The following CFAP74 variants were observed in gnomAD, a reference collection of about 807,000 sequenced individuals.
The protein encoded by CFAP74 is cilia- and flagella-associated protein 74.
CFAP74 carries 124 observed loss-of-function variants against 188.9 expected under a neutral mutation model. That is an observed-to-expected ratio of 0.66 (90% CI 0.57 to 0.76). CFAP74 has a LOEUF of 0.76. Ranked by LOEUF, CFAP74 falls within the 30% of genes least tolerant of loss-of-function variation. CFAP74 has a pLI of 0.00. For missense variants in CFAP74, 2,198 were observed against 2,165.2 expected (o/e 1.02, Z -0.30); for synonymous variants, 956 against 916.7 (o/e 1.04, Z -0.77).
intron 15 of CFAP74, among the ~76,000 whole-genome samples, chr1:1,959,637 G>T (rs1289490870): frequency 6.6e-6 from 1 of 151,996 alleles, no homozygotes; most frequent in African/African-American, 2.4e-5. Flanking sequence ...TGCCCAGCTC[G>T]GGTGACCCCA....
At chr1:1,945,756 G>A (rs370049463) in intron 20 of CFAP74, among the ~76,000 whole-genome samples, 7 of 151,904 alleles carry the variant, frequency 4.6e-5, no homozygotes, top group Admixed American at 2.6e-4. Context: ...TGAGCCCAGG[G>A]GTTAGAGGCT....
chr1:1,930,696 C>G (rs1652303829), intron 25 of CFAP74, among the ~76,000 whole-genome samples: 1 of 152,214 alleles, frequency 6.6e-6, no homozygotes, highest in Non-Finnish European at 1.5e-5. Context: ...GCTGGGACTA[C>G]AGATGAGTGC....
intron 6 of CFAP74, 121 bp downstream of exon 6, chr1:1,985,265 T>C: frequency 1.3e-6 from 1 of 771,432 alleles, no homozygotes; most frequent in Non-Finnish European, 2.2e-6. Flanking sequence ...CCTTTCCACT[T>C]CCCCGCAGTT....
At chr1:1,943,020 A>C (rs1653492099) in intron 21 of CFAP74, among the ~76,000 whole-genome samples, 2 of 151,954 alleles carry the variant, frequency 1.3e-5, no homozygotes, top group African/African-American at 4.8e-5. Context: ...CTGCACCCCT[A>C]CTGCTGGGCC....
At chr1:1,927,088 C>A in intron 28 of CFAP74, 60 bp from the exon 29 acceptor site, 2 of 1,541,172 alleles carry the variant, frequency 1.3e-6, no homozygotes, top group Middle Eastern at 1.7e-4. Flanking sequence ...CGGCCCAGGC[C>A]GGACCCCTGC....
intron 10 of CFAP74, among the ~76,000 whole-genome samples, chr1:1,969,344 T>C (rs1371723263): frequency 2.8e-5 from 2 of 71,652 alleles, no homozygotes; most frequent in Non-Finnish European, 5.4e-5. Flanking sequence ...AGCCCTGCCC[T>C]GCCCAGCCCA....
rs750738491 is a variant in CFAP74 at position 1,975,626 on chromosome 1, C to T, written c.501-1428G>A. 2.6e-5 allele frequency among the ~76,000 whole-genome samples: 4 copies of T among 152,166 alleles called. No homozygotes were observed. Among genetic ancestry groups the T allele is most frequent in the African/African-American group, 4.8e-5 (2 of 41,452 alleles). ...CCTTTCCAGGGAGCATGGGTCACTT[C>T]GGATCTCTGGCTGGTGTCCTGTCAT... is the stretch of plus-strand genomic sequence containing the variant. On this transcript the variant is annotated intron_variant, in intron 6 of 38. Transcript: ENST00000682832. The surrounding 1 kb of genome is among the most constrained non-coding windows in gnomAD (Gnocchi z 4.5).
chr1:1,946,221 G>T, intron 20 of CFAP74, 96 bp downstream of exon 20: 1 of 1,424,736 alleles, frequency 7.0e-7, no homozygotes, highest in Non-Finnish European at 9.3e-7. Context: ...TCCCTGCGTG[G>T]GCAAATGGCG....
In CFAP74 at chr1:1,959,110, T is replaced by C. The variant is rs1317557906; in HGVS notation, c.1851+10A>G. On this transcript the variant is annotated intron_variant, in intron 16 of 38. Coordinates refer to ENST00000682832, the MANE Select transcript of CFAP74 (RefSeq NM_001304360.2). ...CCGAGAAATGCTGGCTCGGACACCT[T>C]TGAACTCACCGAACATTTCTTTGTT... 3.7e-6 allele frequency: 6 copies of C among 1,601,674 alleles called. No homozygotes were observed. The South Asian group carries it at 6.6e-5, about 18-fold the overall frequency.
chr1:1,969,906 G>A (rs887496978), intron 10 of CFAP74, among the ~76,000 whole-genome samples: 1 of 152,248 alleles, frequency 6.6e-6, no homozygotes, highest in Non-Finnish European at 1.5e-5. Flanking sequence ...GGGAGAAAGG[G>A]CCAGGCTCCC....
chr1:1,930,549 A>G (rs1652294508), intron 25 of CFAP74, among the ~76,000 whole-genome samples: 1 of 152,196 alleles, frequency 6.6e-6, no homozygotes, highest in Non-Finnish European at 1.5e-5. Flanking sequence ...AAAAATTTTA[A>G]ACCGTATTTA....
At chr1:1,944,229 G>A (rs1408598897) in intron 21 of CFAP74, 102 bp downstream of exon 21, 2 of 1,466,894 alleles carry the variant, frequency 1.4e-6, no homozygotes, top group Non-Finnish European at 1.8e-6. Context: ...GGGTCACCCC[G>A]TGTGCGTGGA....
Position 1,925,900 on chromosome 1 carries a change from C to A in CFAP74, c.3987G>T (p.Thr1329=), listed in dbSNP as rs760635263. 4 of 1,612,378 alleles carry A rather than the reference C, an allele frequency of 2.5e-6. No individual in the cohort carries two copies. Among genetic ancestry groups the A allele is most frequent in the South Asian group, 1.1e-5 (1 of 91,020 alleles). ...ETLDIITKRG[T]LTLTLMGTGV... ...CAGTGCCCATGAGGGTGAGGGTGAG[C>A]GTGCCTCTCTTGGTGATGATGTCCA... The change falls in exon 33 of 39, where the codon ACG becomes ACT. Residue 1329 remains threonine, a synonymous_variant. Transcript: ENST00000682832.
chr1:1,934,962 T>TAC (rs777405127), intron 25 of CFAP74, among the ~76,000 whole-genome samples: 1 of 30,010 alleles, frequency 3.3e-5, no homozygotes, highest in East Asian at 2.0e-3. Flanking sequence ...AGGTTGTAGG[T>TAC]ACACGTGTGT....
At position 1,985,508 on chromosome 1, in the gene CFAP74, C is replaced by A. The variant is rs554163151; in HGVS notation, c.396-18G>T. 6.2e-7 allele frequency: 1 copy of A among 1,605,414 alleles called. No homozygotes were observed. Among genetic ancestry groups the A allele is most frequent in the Non-Finnish European group, 8.5e-7 (1 of 1,173,332 alleles). On this transcript the variant is annotated intron_variant, in intron 5 of 38. Coordinates refer to ENST00000682832, the MANE Select transcript of CFAP74 (RefSeq NM_001304360.2). ...CAGCGGCCCTGCAGTGGTGAACGGA[C>A]AGGCCGGGCGTGTGTCAGGCCTCAG...
At chr1:1,969,996 G>A (rs2102076707) in intron 10 of CFAP74, among the ~76,000 whole-genome samples, 1 of 152,384 alleles carries the variant, frequency 6.6e-6, no homozygotes, top group South Asian at 2.1e-4. Context: ...GGGCAGGGCT[G>A]GGAAAGGCGA....
In CFAP74 at chr1:1,926,686, G is replaced by A; in HGVS notation, c.3738C>T (p.Gly1246=). 2.6e-6 allele frequency: 4 copies of A among 1,550,154 alleles called. No individual in the cohort carries two copies. The highest frequency in any genetic ancestry group is 1.7e-6 in the Non-Finnish European group (2 of 1,146,840). Residue 1246 remains glycine, a synonymous_variant, in exon 30 of 39, where the codon GGC becomes GGT. Coordinates refer to ENST00000682832, the MANE Select transcript of CFAP74 (RefSeq NM_001304360.2). ...CGTCGCCGAAGTTAAAGATGGTCTTGCCTTTATGGGACGTCACCACAACAG... is the reference window on the plus strand; with the variant it reads ...CGTCGCCGAAGTTAAAGATGGTCTTACCTTTATGGGACGTCACCACAACAG... ...APSVVVTSHK[G]KTIFNFGDVA... is the part of the protein sequence containing the mutation.
Position 1,970,776 on chromosome 1 carries a change from G to A in CFAP74, c.929C>T (p.Ala310Val). The A allele has an allele frequency of 6.2e-7, 1 of 1,614,170 alleles. No homozygotes were observed. ...CTGGACCCTCTGCTCCGCCAGCTCTGCCTTGGCACGGTCCCATGCTTGGAA... is the reference window on the plus strand; with the variant it reads ...CTGGACCCTCTGCTCCGCCAGCTCTACCTTGGCACGGTCCCATGCTTGGAA... ...RKFQAWDRAK[A>V]ELAEQRVQAE... is the part of the protein sequence containing the mutation. The change falls in exon 10 of 39, where the codon GCA (alanine) becomes GTA (valine). Residue 310 changes from alanine (A) to valine (V), a missense_variant. By Grantham distance (64) the Ala-to-Val change is moderately conservative. Coordinates refer to ENST00000682832, the MANE Select transcript of CFAP74 (RefSeq NM_001304360.2).
intron 20 of CFAP74, among the ~76,000 whole-genome samples, chr1:1,945,671 T>C (rs1653700399): frequency 6.6e-6 from 1 of 151,470 alleles, no homozygotes; most frequent in South Asian, 2.1e-4. Context: ...CTACGAAAAA[T>C]ACAAAAGTTA....
Sources: gnomAD v4.1 joint callset for allele counts (sites outside exome capture counted in the v4.1 genomes callset) on GRCh38, gnomAD v4.1.1 for gene constraint, Gnocchi (gnomAD v3.1) non-coding constraint, MANE v1.5 for transcripts, NCBI Gene and HGNC (gene_info 2026-07-23, HGNC 2026-07-21) for gene names.